Variants in SMARCA2 observed in about 807,000 individuals in gnomAD.
SMARCA2 encodes SWI/SNF-related matrix-associated actin-dependent regulator of chromatin subfamily A member 2.
SMARCA2 carries 61 observed loss-of-function variants against 199.8 expected under a neutral mutation model. The ratio of observed to expected loss-of-function variants is 0.31; its 90% CI spans 0.25 to 0.38. SMARCA2 has a LOEUF of 0.38. Ranked by LOEUF, SMARCA2 falls within the 10% of genes least tolerant of loss-of-function variation. The pLI, the probability that SMARCA2 is intolerant of heterozygous loss-of-function variation, is 1.00. For missense variants in SMARCA2, 1,344 were observed against 2,012.2 expected, an observed-to-expected ratio of 0.67 and a Z score of 6.35; for synonymous variants, 935 against 732.0, an observed-to-expected ratio of 1.28 and a Z score of -4.48.
At position 2,039,802 on chromosome 9, in the gene SMARCA2, A is replaced by AGCAGCAGCAGCAGCAACAGCAGCC. The variant is rs1563724869; in HGVS notation, c.704_727dup (p.Gln235_Gln242dup). ...CAGCAGCAGCAGCAGCAGCAGCAGC[A>AGCAGCAGCAGCAGCAACAGCAGCC]GCAGCAGCAGCAGCAACAGCAGCCG... On this transcript the variant is annotated inframe_insertion, in exon 4 of 34. Transcript: ENST00000349721. The surrounding 1 kb of genome is among the most constrained non-coding windows in gnomAD (Gnocchi z 4.8). 2.5e-6 allele frequency: 4 copies of AGCAGCAGCAGCAGCAACAGCAGCC among 1,604,994 alleles called. No homozygotes were observed. The highest frequency in any genetic ancestry group is 1.7e-4 in the Middle Eastern group (1 of 6,040).
intron 27 of SMARCA2, among the ~76,000 whole-genome samples, chr9:2,140,509 C>T (rs560031815): frequency 1.2e-4 from 18 of 152,242 alleles, no homozygotes; most frequent in Admixed American, 9.2e-4. Flanking sequence ...CTGTTCTGTT[C>T]TGTCTTTCTG....
intron 27 of SMARCA2, among the ~76,000 whole-genome samples, chr9:2,139,775 C>T (rs182598236): frequency 6.6e-6 from 1 of 152,270 alleles, no homozygotes; most frequent in East Asian, 1.9e-4. Context: ...GGGGAAGTCA[C>T]AAATCTTGTA....
At chr9:2,065,529 G>C (rs925609882) in intron 9 of SMARCA2, among the ~76,000 whole-genome samples, 6 of 152,032 alleles carry the variant, frequency 3.9e-5, no homozygotes, top group African/African-American at 1.5e-4. Context: ...AACCTTCCTG[G>C]CATAATGTAT....
intron 32 of SMARCA2, among the ~76,000 whole-genome samples, chr9:2,188,277 A>T (rs1467097122): frequency 2.0e-5 from 3 of 152,058 alleles, no homozygotes; most frequent in Non-Finnish European, 4.4e-5. Context: ...TTTCCCAATA[A>T]TGCTGTCCTG....
At chr9:2,097,345 T>A in intron 20 of SMARCA2, 40 bp from the exon 21 acceptor site, 1 of 1,277,654 alleles carries the variant, frequency 7.8e-7, no homozygotes, top group Non-Finnish European at 1.1e-6. Context: ...TCTGACCAGT[T>A]AATAATTAAT....
chr9:2,105,351 T>C (rs1203591757), intron 23 of SMARCA2, among the ~76,000 whole-genome samples: 1 of 152,180 alleles, frequency 6.6e-6, no homozygotes, highest in East Asian at 1.9e-4. Context: ...GTTCAGGTGA[T>C]TCTCCTGCCT....
At chr9:2,156,175 A>T (rs1825349407) in intron 27 of SMARCA2, among the ~76,000 whole-genome samples, 2 of 152,162 alleles carry the variant, frequency 1.3e-5, no homozygotes, top group Admixed American at 6.5e-5. Flanking sequence ...AGTTCTAGCC[A>T]TTGGCCAGGG....
intron 2 of SMARCA2, among the ~76,000 whole-genome samples, chr9:2,031,313 A>G (rs772496791): frequency 6.6e-6 from 1 of 152,224 alleles, no homozygotes; most frequent in African/African-American, 2.4e-5. Context: ...CCTATTGAAC[A>G]TATTGACATC....
At chr9:2,181,746 T>TGTAGTTGG (rs755465463) in intron 30 of SMARCA2, 70 bp downstream of exon 30, 50 of 873,714 alleles carry the variant, frequency 5.7e-5, no homozygotes, top group Non-Finnish European at 9.0e-5. Context: ...TTGAAATGGT[T>TGTAGTTGG]GTAGTTGGAG....
intron 31 of SMARCA2, among the ~76,000 whole-genome samples, chr9:2,185,653 G>C (rs539675672): frequency 6.6e-6 from 1 of 152,322 alleles, no homozygotes; most frequent in East Asian, 1.9e-4. Flanking sequence ...ATTAAAAATA[G>C]AGTGTTGATT....
intron 25 of SMARCA2, among the ~76,000 whole-genome samples, chr9:2,118,871 C>T (rs1201651657): frequency 6.6e-6 from 1 of 151,608 alleles, no homozygotes; most frequent in Non-Finnish European, 1.5e-5. Context: ...TTTAGTTATC[C>T]CATCCATAGC....
intron 29 of SMARCA2, among the ~76,000 whole-genome samples, chr9:2,175,479 G>C (rs1586793861): frequency 6.6e-6 from 1 of 152,184 alleles, no homozygotes; most frequent in African/African-American, 2.4e-5. Context: ...TTTGTGTAAT[G>C]ATTGTATTCT....
chr9:2,168,231 G>A lies in SMARCA2; in HGVS notation c.4200-2188G>A, dbSNP rs139031540. Among the ~76,000 whole-genome samples, 850 of 151,956 alleles carry A rather than the reference G, an allele frequency of 5.6e-3. 9 individuals carry two copies. Among genetic ancestry groups the A allele is most frequent in the African/African-American group, 0.019 (789 of 41,470 alleles). On this transcript the variant is annotated intron_variant, in intron 28 of 33. Transcript: ENST00000349721. ...TTGCCATGTTGGTCAGGCTGGTCTCGAACTCCTGACCTCAGGTGATCTGCC... is the reference window on the plus strand; with the variant it reads ...TTGCCATGTTGGTCAGGCTGGTCTCAAACTCCTGACCTCAGGTGATCTGCC...
At chr9:2,048,784 G>A (rs2130302223) in intron 5 of SMARCA2, among the ~76,000 whole-genome samples, 1 of 152,248 alleles carries the variant, frequency 6.6e-6, no homozygotes, top group South Asian at 2.1e-4. Flanking sequence ...GATACTCATT[G>A]TCAATTGATA....
At chr9:2,068,222 A>G (rs988154605) in intron 9 of SMARCA2, among the ~76,000 whole-genome samples, 2 of 152,218 alleles carry the variant, frequency 1.3e-5, no homozygotes, top group African/African-American at 4.8e-5. Context: ...CTGTGTCACT[A>G]GCTTAGATGT....
chr9:2,113,333 G>C (rs1021197008), intron 24 of SMARCA2, among the ~76,000 whole-genome samples: 3 of 152,200 alleles, frequency 2.0e-5, no homozygotes, highest in Admixed American at 6.5e-5. Flanking sequence ...GTTGGTACTC[G>C]TGTTTTTTAC....
rs112875304 is a variant in SMARCA2 at position 2,068,067 on chromosome 9, A to G, written c.1693-2351A>G. ...TGTAGCTTATTTCTGATTTGTATGG[A>G]AAGAATGGTGGGATTAATTGACTTT... On this transcript the variant is annotated intron_variant, in intron 9 of 33. Transcript: ENST00000349721. 3.6e-3 allele frequency among the ~76,000 whole-genome samples: 544 copies of G among 152,248 alleles called. 2 individuals carry two copies. The highest frequency in any genetic ancestry group is 3.6e-3 in the Non-Finnish European group (245 of 68,020).
At chr9:2,127,607 A>G (rs1330179514) in intron 27 of SMARCA2, among the ~76,000 whole-genome samples, 3 of 152,162 alleles carry the variant, frequency 2.0e-5, no homozygotes, top group Admixed American at 1.3e-4. Flanking sequence ...ATGGAAGTCT[A>G]ATGGGCCCTG....
At chr9:2,109,884 G>C (rs1310414288) in intron 23 of SMARCA2, among the ~76,000 whole-genome samples, 1 of 152,156 alleles carries the variant, frequency 6.6e-6, no homozygotes. Context: ...GTGCACGTGT[G>C]TGTGTGTGAG....
Sources: allele counts gnomAD v4.1 joint callset (sites outside exome capture counted in the v4.1 genomes callset), GRCh38; gene constraint gnomAD v4.1.1; non-coding constraint Gnocchi (gnomAD v3.1); transcripts MANE v1.5; gene names NCBI Gene and HGNC (gene_info 2026-07-23, HGNC 2026-07-21).